The following ABCB1 variants were observed in gnomAD, a reference collection of about 807,000 sequenced individuals.
ABCB1 encodes ATP binding cassette subfamily B member 1.
In ABCB1, 69 loss-of-function variants were observed where a neutral mutation model predicts 142.0. The observed-to-expected ratio is 0.49, with a 90% confidence interval of 0.40 to 0.59. The LOEUF is 0.59. ABCB1 is among the 20% of genes least tolerant of loss of function. The pLI is 0.00. For synonymous variants in ABCB1, 532 were observed against 539.2 expected, an observed-to-expected ratio of 0.99 and a Z score of 0.18; for missense variants, 1,326 against 1,554.7, an observed-to-expected ratio of 0.85 and a Z score of 2.47.
At chr7:87,567,008 T>C in intron 5 of ABCB1, 32 bp from the exon 6 acceptor site, 2 of 1,598,866 alleles carry the variant, frequency 1.3e-6, no homozygotes, top group African/African-American at 1.3e-5. Context: ...GCACATGCTC[T>C]CTGTTTCCTA....
At chr7:87,669,506 C>T (rs1475879374) in intron 1 of ABCB1, among the ~76,000 whole-genome samples, 6 of 152,172 alleles carry the variant, frequency 3.9e-5, no homozygotes, top group East Asian at 1.9e-4. Context: ...TGGATTTGAT[C>T]CTGTCTTTGT....
At chr7:87,569,288 G>C (rs1359314494) in intron 5 of ABCB1, among the ~76,000 whole-genome samples, 1 of 141,942 alleles carries the variant, frequency 7.0e-6, no homozygotes, top group East Asian at 2.1e-4. Flanking sequence ...AGCCGAGATC[G>C]CACCACTGCA....
intron 2 of ABCB1, among the ~76,000 whole-genome samples, chr7:87,599,467 C>T (rs1670531004): frequency 6.6e-6 from 1 of 152,144 alleles, no homozygotes; most frequent in African/African-American, 2.4e-5. Context: ...AGCAGATCAC[C>T]AGCAGCATAT....
chr7:87,680,382 G>A (rs948835741), intron 1 of ABCB1, among the ~76,000 whole-genome samples: 3 of 150,702 alleles, frequency 2.0e-5, no homozygotes, highest in Non-Finnish European at 2.9e-5. Flanking sequence ...ACTAAAACGC[G>A]TTGTATCAAA....
At chr7:87,708,381 A>C (rs1239762438) in intron 1 of ABCB1, among the ~76,000 whole-genome samples, 1 of 152,162 alleles carries the variant, frequency 6.6e-6, no homozygotes, top group Non-Finnish European at 1.5e-5. Context: ...CTATTATATA[A>C]ATTTGAAAAT....
intron 3 of ABCB1, among the ~76,000 whole-genome samples, chr7:87,594,988 C>G (rs1043955878): frequency 2.0e-5 from 3 of 152,060 alleles, no homozygotes; most frequent in South Asian, 4.1e-4. Context: ...TTTCACCTAA[C>G]AGTTCACCTA....
chr7:87,504,544 C>G, intron 27 of ABCB1, 95 bp from the exon 28 acceptor site: 2 of 1,522,006 alleles, frequency 1.3e-6, no homozygotes, highest in African/African-American at 1.4e-5. Context: ...CATGGTGGCT[C>G]ACGCCTGTAA....
intron 1 of ABCB1, among the ~76,000 whole-genome samples, chr7:87,635,694 A>G (rs1233640529): frequency 6.6e-6 from 1 of 152,222 alleles, no homozygotes; most frequent in Non-Finnish European, 1.5e-5. Flanking sequence ...TTTTTGTGGT[A>G]GGGCACAATG....
chr7:87,545,840 A>T, intron 15 of ABCB1, 23 bp downstream of exon 15: 1 of 1,610,752 alleles, frequency 6.2e-7, no homozygotes, highest in Non-Finnish European at 8.5e-7. Flanking sequence ...ATGACTTAGG[A>T]AAATTCTGAA....
At chr7:87,614,382 A>G (rs1181095487) in intron 1 of ABCB1, among the ~76,000 whole-genome samples, 1 of 152,074 alleles carries the variant, frequency 6.6e-6, no homozygotes, top group Non-Finnish European at 1.5e-5. Context: ...CAACAGAGCA[A>G]GACTCTATCT....
intron 1 of ABCB1, among the ~76,000 whole-genome samples, chr7:87,640,423 T>A (rs935006022): frequency 1.3e-5 from 2 of 152,162 alleles, no homozygotes; most frequent in Admixed American, 6.5e-5. Flanking sequence ...CGATCATAGC[T>A]CACTGCAACC....
intron 1 of ABCB1, among the ~76,000 whole-genome samples, chr7:87,611,201 T>C (rs1042775584): frequency 1.3e-5 from 2 of 152,184 alleles, no homozygotes; most frequent in African/African-American, 4.8e-5. Flanking sequence ...CTTACCTCTA[T>C]AGCCTCAGGC....
intron 7 of ABCB1, among the ~76,000 whole-genome samples, chr7:87,562,217 G>A (rs1817586786): frequency 6.6e-6 from 1 of 152,160 alleles, no homozygotes; most frequent in South Asian, 2.1e-4. Flanking sequence ...TAGAGGAATG[G>A]GTGGATGAAG....
intron 1 of ABCB1, among the ~76,000 whole-genome samples, chr7:87,621,238 C>T (rs1175953703): frequency 2.0e-5 from 3 of 152,030 alleles, no homozygotes; most frequent in African/African-American, 7.2e-5. Flanking sequence ...GGAACACTAA[C>T]CTTACGAGAT....
intron 1 of ABCB1, among the ~76,000 whole-genome samples, chr7:87,643,131 T>C (rs570252841): frequency 4.3e-4 from 66 of 152,182 alleles, no homozygotes; most frequent in Non-Finnish European, 7.9e-4. Context: ...TTGCTCAAAC[T>C]CCTGACCTCA....
At chr7:87,661,973 T>C (rs1824757532) in intron 1 of ABCB1, among the ~76,000 whole-genome samples, 1 of 152,170 alleles carries the variant, frequency 6.6e-6, no homozygotes, top group African/African-American at 2.4e-5. Flanking sequence ...TATATCATTG[T>C]ACTTTTGATT....
chr7:87,622,216 A>G (rs753116606), intron 1 of ABCB1, among the ~76,000 whole-genome samples: 4 of 152,178 alleles, frequency 2.6e-5, no homozygotes, highest in African/African-American at 7.2e-5. Context: ...TGCCATACAT[A>G]CAATAAACAA....
At chr7:87,649,100 G>A (rs958113150) in intron 1 of ABCB1, among the ~76,000 whole-genome samples, 2 of 151,776 alleles carry the variant, frequency 1.3e-5, no homozygotes, top group Non-Finnish European at 2.9e-5. Flanking sequence ...ATTCCCCACT[G>A]TCTTAGGCAC....
Position 87,699,665 on chromosome 7 carries a change from C to T in ABCB1, c.-331+13496G>A, listed in dbSNP as rs1226428759. 2.0e-5 allele frequency among the ~76,000 whole-genome samples: 3 copies of T among 152,168 alleles called. No individual in the cohort carries two copies. In the East Asian group the frequency reaches 5.8e-4, roughly 29 times the overall value. Reference sequence around the variant, plus strand: ...AGGTGATCCACCCACCTTGGCCTTCCAAAGTGCTGAGATTACAAGCATGAG... The same window carrying T: ...AGGTGATCCACCCACCTTGGCCTTCTAAAGTGCTGAGATTACAAGCATGAG... On this transcript the variant is annotated intron_variant, in intron 1 of 28. Transcript: ENST00000265724.
Sources: gnomAD v4.1 joint callset for allele counts (sites outside exome capture counted in the v4.1 genomes callset) on GRCh38, gnomAD v4.1.1 for gene constraint, MANE v1.5 for transcripts, NCBI Gene and HGNC (gene_info 2026-07-23, HGNC 2026-07-21) for gene names.